Variants in TENM4 observed in about 807,000 individuals in gnomAD.
TENM4 encodes the protein teneurin-4.
A neutral mutation model predicts 243.3 loss-of-function variants in TENM4; 82 were observed. The observed-to-expected ratio is 0.34, with a 90% confidence interval of 0.28 to 0.40. The LOEUF (loss-of-function observed/expected upper bound fraction) is 0.40. Among genes scored for constraint, TENM4 ranks in the 10% least tolerant of loss-of-function variants. The pLI is 1.00. For synonymous variants in TENM4, 1,412 were observed against 1,456.3 expected (o/e 0.97, Z 0.69); for missense variants, 3,138 against 3,673.3 (o/e 0.85, Z 3.77).
intron 28 of TENM4, among the ~76,000 whole-genome samples, chr11:78,691,284 T>C (rs187899314): frequency 6.6e-6 from 1 of 152,360 alleles, no homozygotes; most frequent in African/African-American, 2.4e-5. Flanking sequence ...CCTGGAGGAC[T>C]GGCTCTCAGT....
intron 3 of TENM4, among the ~76,000 whole-genome samples, chr11:79,179,760 A>G (rs188460355): frequency 3.9e-5 from 6 of 151,974 alleles, no homozygotes; most frequent in Non-Finnish European, 8.8e-5. Context: ...TTTGACATAT[A>G]GAAGGTGCTC....
chr11:79,212,743 C>T (rs1456954054), intron 3 of TENM4, among the ~76,000 whole-genome samples: 1 of 152,132 alleles, frequency 6.6e-6, no homozygotes, highest in East Asian at 1.9e-4. Flanking sequence ...AATCACGTCT[C>T]CCTCCTCCAC....
At chr11:79,101,371 T>C (rs1254199452) in intron 4 of TENM4, among the ~76,000 whole-genome samples, 1 of 152,230 alleles carries the variant, frequency 6.6e-6, no homozygotes, top group Non-Finnish European at 1.5e-5. Flanking sequence ...AAATATTAGG[T>C]GGAAGTCTGA....
intron 9 of TENM4, among the ~76,000 whole-genome samples, chr11:78,878,196 G>A (rs763029157): frequency 5.3e-5 from 8 of 151,990 alleles, no homozygotes; most frequent in Admixed American, 1.3e-4. Context: ...CATCTGTTGG[G>A]TTCTGATCTT....
intron 4 of TENM4, among the ~76,000 whole-genome samples, chr11:79,110,157 C>T (rs575059850): frequency 5.1e-4 from 78 of 152,286 alleles, no homozygotes; most frequent in Non-Finnish European, 8.8e-4. Flanking sequence ...TTGTGCAACT[C>T]CATCATCATC....
At chr11:79,029,827 T>C (rs897727353) in intron 6 of TENM4, among the ~76,000 whole-genome samples, 2 of 152,212 alleles carry the variant, frequency 1.3e-5, no homozygotes, top group Non-Finnish European at 2.9e-5. Context: ...GCCCTATTAA[T>C]AACATATTCA....
chr11:79,120,597 G>A (rs993444654), intron 4 of TENM4, among the ~76,000 whole-genome samples: 8 of 152,198 alleles, frequency 5.3e-5, no homozygotes, highest in Non-Finnish European at 8.8e-5. Context: ...ACATATGTAG[G>A]AGCTGTTATG....
At chr11:78,967,133 A>G (rs923638570) in intron 6 of TENM4, among the ~76,000 whole-genome samples, 6 of 152,118 alleles carry the variant, frequency 3.9e-5, no homozygotes, top group Non-Finnish European at 5.9e-5. Context: ...CTGATGCTTC[A>G]AGCCTGCATT....
chr11:78,724,299 C>A (rs1487895354), intron 23 of TENM4, among the ~76,000 whole-genome samples: 1 of 152,148 alleles, frequency 6.6e-6, no homozygotes, highest in African/African-American at 2.4e-5. Context: ...CACTATGTTG[C>A]CAGGCTAGTC....
intron 15 of TENM4, among the ~76,000 whole-genome samples, chr11:78,804,887 G>T (rs191747822): frequency 3.7e-4 from 57 of 152,234 alleles, no homozygotes; most frequent in Non-Finnish European, 7.9e-4. Context: ...CTGAGAAATG[G>T]GTGAAACTGA....
At chr11:78,972,783 A>G (rs564648238) in intron 6 of TENM4, among the ~76,000 whole-genome samples, 20 of 152,298 alleles carry the variant, frequency 1.3e-4, no homozygotes, top group African/African-American at 4.6e-4. Flanking sequence ...ATTTTAGAAC[A>G]TTTCATCACC....
chr11:79,154,138 A>AT (rs1453120958), intron 3 of TENM4, among the ~76,000 whole-genome samples: 1 of 108,846 alleles, frequency 9.2e-6, no homozygotes, highest in Non-Finnish European at 1.8e-5. Context: ...ATGTTGGGTA[A>AT]TTAAAAAAAA....
At chr11:78,815,442 C>T (rs140801952) in intron 12 of TENM4, among the ~76,000 whole-genome samples, 33 of 152,266 alleles carry the variant, frequency 2.2e-4, no homozygotes, top group Non-Finnish European at 4.0e-4. Context: ...TCCCCAGACA[C>T]GCTCTCTGTC....
At chr11:78,887,671 T>C (rs557550742) in intron 9 of TENM4, among the ~76,000 whole-genome samples, 1 of 152,362 alleles carries the variant, frequency 6.6e-6, no homozygotes, top group African/African-American at 2.4e-5. Context: ...GAGCTCTATC[T>C]GTATCCTTCC....
At chr11:79,230,826 G>A (rs1044821446) in intron 2 of TENM4, among the ~76,000 whole-genome samples, 1 of 152,138 alleles carries the variant, frequency 6.6e-6, no homozygotes, top group Admixed American at 6.6e-5. Context: ...CTGGGCCTTT[G>A]GACTAAGATC....
intron 6 of TENM4, among the ~76,000 whole-genome samples, chr11:79,033,353 G>C (rs1337441683): frequency 6.6e-6 from 1 of 152,146 alleles, no homozygotes; most frequent in Non-Finnish European, 1.5e-5. Flanking sequence ...TGTGTGCTGG[G>C]AAGGAAGAAT....
intron 6 of TENM4, among the ~76,000 whole-genome samples, chr11:79,036,340 T>C (rs1038717336): frequency 1.3e-5 from 2 of 152,250 alleles, no homozygotes; most frequent in Non-Finnish European, 1.5e-5. Context: ...CTATCTTTGA[T>C]TGGCCAGACT....
intron 14 of TENM4, among the ~76,000 whole-genome samples, chr11:78,810,028 T>C (rs1318155307): frequency 1.3e-5 from 2 of 151,644 alleles, no homozygotes; most frequent in Admixed American, 1.3e-4. Flanking sequence ...CTTTAAAAAA[T>C]ATGGGGCAAT....
intron 9 of TENM4, among the ~76,000 whole-genome samples, chr11:78,875,756 C>A (rs1013437823): frequency 6.6e-6 from 1 of 152,186 alleles, no homozygotes; most frequent in Non-Finnish European, 1.5e-5. Context: ...TTGCACTTAA[C>A]AAATACTTAC....
Sources: gnomAD v4.1 joint callset for allele counts (sites outside exome capture counted in the v4.1 genomes callset) on GRCh38, gnomAD v4.1.1 for gene constraint, MANE v1.5 for transcripts, NCBI Gene and HGNC (gene_info 2026-07-23, HGNC 2026-07-21) for gene names.